The following TLCD4 variants were observed in gnomAD, a reference collection of about 807,000 sequenced individuals.
TLCD4 encodes TLC domain-containing protein 4.
Under a neutral mutation model 24.2 loss-of-function variants are expected in TLCD4, and 7 were observed. The observed-to-expected ratio is 0.29, with a 90% CI of 0.16 to 0.54. The LOEUF is 0.54. Ranked by LOEUF, TLCD4 falls within the 20% of genes least tolerant of loss-of-function variation. The pLI is 0.95. For synonymous variants in TLCD4, 103 were observed against 106.4 expected, an observed-to-expected ratio of 0.97 and a Z score of 0.20; for missense variants, 259 against 313.9, an observed-to-expected ratio of 0.82 and a Z score of 1.32.
At chr1:95,106,894 A>T in the TLCD4 span, among the ~76,000 whole-genome samples, 3 of 152,340 alleles carry the variant, frequency 2.0e-5, no homozygotes, top group South Asian at 4.1e-4. Context: ...AATGCAGCAT[A>T]TGCATTTTCC....
chr1:95,191,496 G>C (rs192989185), intron 6 of TLCD4, 54 bp from the exon 7 acceptor site: 2 of 1,536,914 alleles, frequency 1.3e-6, no homozygotes, highest in Non-Finnish European at 1.7e-6. Context: ...AATAAAAATG[G>C]TTAATCCTCA....
the TLCD4 span, among the ~76,000 whole-genome samples, chr1:95,104,623 G>C: frequency 2.1e-4 from 27 of 127,258 alleles, no homozygotes; most frequent in African/African-American, 6.2e-4. Context: ...CTGAGATCGC[G>C]CCACTGCACT....
intron 1 of TLCD4, among the ~76,000 whole-genome samples, chr1:95,126,780 CAG>C (rs1676748229): frequency 6.6e-6 from 1 of 152,144 alleles, no homozygotes; most frequent in South Asian, 2.1e-4. Context: ...ATGATGGTCT[CAG>C]GGCAATTTTC....
intron 1 of TLCD4, among the ~76,000 whole-genome samples, chr1:95,137,928 G>T (rs574302309): frequency 6.6e-6 from 1 of 152,036 alleles, no homozygotes; most frequent in South Asian, 2.1e-4. Flanking sequence ...GTAGAGACGG[G>T]GTCTTGTTAA....
intron 1 of TLCD4, among the ~76,000 whole-genome samples, chr1:95,139,489 A>G (rs116613753): frequency 0.18 from 9,606 of 53,980 alleles, 456 homozygotes; most frequent in Admixed American, 0.24. Context: ...AGACAGTTTC[A>G]TTCTTGTCAC....
chr1:95,174,024 C>T, intron 6 of TLCD4, 135 bp downstream of exon 6: 3 of 1,291,070 alleles, frequency 2.3e-6, no homozygotes, highest in Non-Finnish European at 2.1e-6. Flanking sequence ...CACCATCATA[C>T]AAATGAGGAA....
intron 5 of TLCD4, among the ~76,000 whole-genome samples, chr1:95,165,992 A>G (rs1487201595): frequency 6.6e-6 from 1 of 152,258 alleles, no homozygotes; most frequent in Admixed American, 6.5e-5. Context: ...GAAAATAAAC[A>G]TATACTGTCT....
chr1:95,103,702 A>G, the TLCD4 span, among the ~76,000 whole-genome samples: 2 of 152,226 alleles, frequency 1.3e-5, no homozygotes, highest in African/African-American at 4.8e-5. Flanking sequence ...CAATTTGACA[A>G]GTGTTGAAAT....
chr1:95,193,490 A>G lies in TLCD4; in HGVS notation c.*1622A>G, dbSNP rs1679090736. The stretch of plus-strand genomic sequence containing the variant: ...GTGATGAATACTTGAAATTAATTGA[A>G]CTCATACCAAAAGATGTAATCCAGT... On this transcript the variant is annotated 3_prime_UTR_variant, in exon 7 of 7. Transcript: ENST00000370203. 1 of 152,122 alleles carries G rather than the reference A, an allele frequency of 6.6e-6. No homozygotes were observed. The highest frequency in any genetic ancestry group is 1.5e-5 in the Non-Finnish European group (1 of 67,970). 9.4% of individuals were successfully genotyped at this position (152,122 alleles called of 1,614,324 possible).
chr1:95,104,171 A>G, the TLCD4 span, among the ~76,000 whole-genome samples: 1 of 152,214 alleles, frequency 6.6e-6, no homozygotes, highest in Non-Finnish European at 1.5e-5. Flanking sequence ...GTAGATTATC[A>G]GGTAAGACTC....
intron 1 of TLCD4, among the ~76,000 whole-genome samples, chr1:95,127,871 C>T (rs1393478128): frequency 6.6e-6 from 1 of 152,210 alleles, no homozygotes; most frequent in East Asian, 1.9e-4. Flanking sequence ...CTCCCAATTA[C>T]TATTGTCTCC....
chr1:95,104,585 A>C, the TLCD4 span, among the ~76,000 whole-genome samples: 1 of 148,510 alleles, frequency 6.7e-6, no homozygotes, highest in Non-Finnish European at 1.5e-5. Flanking sequence ...GAGTGGCATG[A>C]ACTCCGGGGG....
chr1:95,109,444 TTGTGTCC>T, the TLCD4 span, among the ~76,000 whole-genome samples: 28 of 152,096 alleles, frequency 1.8e-4, no homozygotes, highest in Admixed American at 1.5e-3. Context: ...AAGTCTACTC[TTGTGTCC>T]TGCAGGAGTG....
the TLCD4 span, among the ~76,000 whole-genome samples, chr1:95,109,175 A>G: frequency 1.3e-5 from 2 of 152,064 alleles, no homozygotes; most frequent in Non-Finnish European, 2.9e-5. Flanking sequence ...AAAAAATACA[A>G]AAATTAGCCA....
At chr1:95,127,116 G>A (rs1676762179) in intron 1 of TLCD4, among the ~76,000 whole-genome samples, 1 of 152,236 alleles carries the variant, frequency 6.6e-6, no homozygotes, top group Non-Finnish European at 1.5e-5. Flanking sequence ...CACAGAGGTT[G>A]TGTTGTTCTT....
rs541313230 is a variant in TLCD4, at chr1:95,135,278, A to G, written c.-11-8613A>G. Among the ~76,000 whole-genome samples, 4 of 151,980 alleles carry G rather than the reference A, an allele frequency of 2.6e-5. No individual in the cohort carries two copies. In the East Asian group the frequency reaches 7.7e-4, roughly 29 times the overall value. On this transcript the variant is annotated intron_variant, in intron 1 of 6. Coordinates refer to ENST00000370203, the MANE Select transcript of TLCD4 (RefSeq NM_152487.3). ...CAACCCTCCCAGCTCTTCTTTTACC[A>G]CTTCCATGATAGACACTTGGACACT...
At position 95,194,872 on chromosome 1, in the gene TLCD4, T is replaced by C. The variant is rs1358029911; in HGVS notation, c.*3004T>C. On this transcript the variant is annotated 3_prime_UTR_variant, in exon 7 of 7. Transcript: ENST00000370203. ...ATGTAAAACTGGAAATGAAGTTATA[T>C]ATGAGTGCAAAGAAATTGACTTCTG... 2 of 152,190 alleles carry C rather than the reference T, an allele frequency of 1.3e-5. No individual in the cohort carries two copies. Among genetic ancestry groups the C allele is most frequent in the Non-Finnish European group, 2.9e-5 (2 of 68,020 alleles). The allele number at this position is 152,190 out of a possible 1,614,324, so 9.4% of individuals were successfully genotyped here.
chr1:95,181,871 G>A (rs1678657482), intron 6 of TLCD4, among the ~76,000 whole-genome samples: 1 of 152,050 alleles, frequency 6.6e-6, no homozygotes, highest in Non-Finnish European at 1.5e-5. Context: ...CACCCGCCTC[G>A]GCCTCCCCAA....
At chr1:95,099,074 A>AAAAAAAAAAAAC in the TLCD4 span, among the ~76,000 whole-genome samples, 1 of 150,354 alleles carries the variant, frequency 6.7e-6, no homozygotes, top group Non-Finnish European at 1.5e-5. Context: ...AAAAAAAAAA[A>AAAAAAAAAAAAC]AGAACAGGGT....
Sources: gnomAD v4.1 joint callset for allele counts (sites outside exome capture counted in the v4.1 genomes callset) on GRCh38, gnomAD v4.1.1 for gene constraint, MANE v1.5 for transcripts, NCBI Gene and HGNC (gene_info 2026-07-23, HGNC 2026-07-21) for gene names.